Variants in STX18 observed in about 807,000 individuals in gnomAD.
STX18 encodes the protein syntaxin-18.
In STX18, 40 loss-of-function variants were observed where a neutral mutation model predicts 50.1. The ratio of observed to expected loss-of-function variants is 0.80; its 90% CI spans 0.62 to 1.04. The LOEUF (loss-of-function observed/expected upper bound fraction) is 1.04. Among genes scored for constraint, STX18 ranks in the 50% least tolerant of loss-of-function variants. The pLI is 0.00. For synonymous variants in STX18, 158 were observed against 151.8 expected (o/e 1.04, Z -0.30); for missense variants, 410 against 415.8 (o/e 0.99, Z 0.12).
intron 1 of STX18, among the ~76,000 whole-genome samples, chr4:4,509,224 T>C (rs1183369369): frequency 6.6e-6 from 1 of 152,252 alleles, no homozygotes; most frequent in Non-Finnish European, 1.5e-5. Context: ...CCAACATCTG[T>C]TGTTTTTTGG....
At chr4:4,437,114 C>A (rs1262050362) in intron 6 of STX18, among the ~76,000 whole-genome samples, 1 of 152,106 alleles carries the variant, frequency 6.6e-6, no homozygotes, top group Non-Finnish European at 1.5e-5. Context: ...CGTGTGCCAC[C>A]ACACCTGGCT....
At chr4:4,484,221 C>T (rs1276514029) in intron 1 of STX18, among the ~76,000 whole-genome samples, 2 of 152,176 alleles carry the variant, frequency 1.3e-5, no homozygotes, top group African/African-American at 2.4e-5. Flanking sequence ...ATACTTACTA[C>T]CTCTGAAAAT....
At chr4:4,532,749 G>A (rs1001293082) in intron 1 of STX18, among the ~76,000 whole-genome samples, 4 of 152,140 alleles carry the variant, frequency 2.6e-5, no homozygotes, top group African/African-American at 9.7e-5. Flanking sequence ...AATTCGAAAC[G>A]TACACTTTTT....
At chr4:4,445,853 T>C (rs913139495) in intron 5 of STX18, among the ~76,000 whole-genome samples, 1 of 152,152 alleles carries the variant, frequency 6.6e-6, no homozygotes, top group African/African-American at 2.4e-5. Context: ...TATGGAAATA[T>C]ACAAAAAATC....
chr4:4,512,669 T>C (rs771168161), intron 1 of STX18, among the ~76,000 whole-genome samples: 1 of 152,200 alleles, frequency 6.6e-6, no homozygotes, highest in Non-Finnish European at 1.5e-5. Flanking sequence ...GTTTGTGAGT[T>C]AGGTACTCTG....
At chr4:4,494,670 C>T (rs564299174) in intron 1 of STX18, among the ~76,000 whole-genome samples, 1 of 148,674 alleles carries the variant, frequency 6.7e-6, no homozygotes, top group Admixed American at 6.6e-5. Flanking sequence ...GAATCACATG[C>T]TGAGGAATTA....
intron 1 of STX18, among the ~76,000 whole-genome samples, chr4:4,514,893 A>G (rs1213578876): frequency 3.3e-5 from 5 of 152,292 alleles, no homozygotes; most frequent in South Asian, 4.1e-4. Context: ...TGCCTTCTCT[A>G]TGAAGATCCT....
intron 1 of STX18, chr4:4,481,471 T>C (rs1728459005): frequency 7.1e-6 from 1 of 140,504 alleles, no homozygotes. Flanking sequence ...AAATCATTAT[T>C]TTTTTTTCAT....
At position 4,419,328 on chromosome 4, in the gene STX18, T is replaced by C. The variant is rs2044; in HGVS notation, c.*706A>G. On this transcript the variant is annotated 3_prime_UTR_variant, in exon 11 of 11. Transcript: ENST00000306200. ...CTGGCCCTCCCACACCCCCTGCCTG[T>C]TCTGGGGGCAGCAGTCTTTGGAGGA... The C allele has an allele frequency of 0.35, 53,784 of 152,064 alleles. 13,253 individuals are homozygous for C. The highest frequency in any genetic ancestry group is 0.7 in the African/African-American group (29,185 of 41,468). 9.4% of individuals were successfully genotyped at this position (152,064 alleles called of 1,614,324 possible). A position where few individuals can be genotyped will look rare whatever the true frequency, so the allele number is the denominator to read the frequency against.
intron 1 of STX18, among the ~76,000 whole-genome samples, chr4:4,479,162 C>T (rs963621106): frequency 6.6e-6 from 1 of 152,172 alleles, no homozygotes; most frequent in African/African-American, 2.4e-5. Flanking sequence ...TACTATACGG[C>T]AGGCACCAAT....
chr4:4,445,728 G>C (rs1472539084), intron 5 of STX18, among the ~76,000 whole-genome samples: 2 of 152,118 alleles, frequency 1.3e-5, no homozygotes, highest in Non-Finnish European at 2.9e-5. Context: ...TACTATGTTT[G>C]TGGATAGATG....
At chr4:4,429,654 T>G (rs565464264) in intron 7 of STX18, among the ~76,000 whole-genome samples, 131 of 152,262 alleles carry the variant, frequency 8.6e-4, no homozygotes, top group African/African-American at 2.9e-3. Context: ...TCCCCTATGA[T>G]CCCCATAATG....
chr4:4,432,491 G>C (rs1725566750), intron 7 of STX18, among the ~76,000 whole-genome samples: 1 of 152,214 alleles, frequency 6.6e-6, no homozygotes, highest in South Asian at 2.1e-4. Context: ...CAAGGGTAAA[G>C]GAAGGGGAAA....
chr4:4,422,720 G>A (rs755521209), intron 9 of STX18, among the ~76,000 whole-genome samples: 2 of 152,156 alleles, frequency 1.3e-5, no homozygotes, highest in Non-Finnish European at 2.9e-5. Context: ...TAAAAAGGGC[G>A]ACTCCTATGA....
chr4:4,525,131 T>C (rs1268471657), intron 1 of STX18, among the ~76,000 whole-genome samples: 1 of 152,114 alleles, frequency 6.6e-6, no homozygotes, highest in Non-Finnish European at 1.5e-5. Flanking sequence ...GAAAAAGAAA[T>C]TTTAAAAGTA....
chr4:4,428,885 AAAGG>A (rs1020632313), intron 7 of STX18, among the ~76,000 whole-genome samples: 1 of 152,192 alleles, frequency 6.6e-6, no homozygotes, highest in African/African-American at 2.4e-5. Context: ...ATGGAATTGC[AAAGG>A]AAGGTGAGAG....
chr4:4,536,778 G>A (rs1045397986), intron 1 of STX18, among the ~76,000 whole-genome samples: 4 of 152,180 alleles, frequency 2.6e-5, no homozygotes, highest in African/African-American at 4.8e-5. Context: ...AATAAAAAAC[G>A]AAGTTTAGCT....
chr4:4,490,032 A>C (rs945819033), intron 1 of STX18, among the ~76,000 whole-genome samples: 21 of 151,998 alleles, frequency 1.4e-4, no homozygotes, highest in African/African-American at 4.8e-4. Context: ...CCATACATAC[A>C]AAAAATTTTC....
intron 2 of STX18, among the ~76,000 whole-genome samples, chr4:4,468,505 C>T (rs1727738812): frequency 6.6e-6 from 1 of 152,072 alleles, no homozygotes; most frequent in Admixed American, 6.6e-5. Context: ...CCTGCCTTCC[C>T]ACTGCTTGCT....
Sources: allele counts gnomAD v4.1 joint callset (sites outside exome capture counted in the v4.1 genomes callset), GRCh38; gene constraint gnomAD v4.1.1; transcripts MANE v1.5; gene names NCBI Gene and HGNC (gene_info 2026-07-23, HGNC 2026-07-21).